Variants in HTR2C observed in about 807,000 individuals in gnomAD.
HTR2C encodes the protein 5-hydroxytryptamine (serotonin) receptor 2C, G protein-coupled.
In HTR2C, 5 loss-of-function variants were observed where a neutral mutation model predicts 21.0. The ratio of observed to expected loss-of-function variants is 0.24; its 90% CI spans 0.12 to 0.50. The LOEUF is 0.50. Ranked by LOEUF, HTR2C falls within the 20% of genes least tolerant of loss-of-function variation. The pLI is 0.98. For synonymous variants in HTR2C, 150 were observed against 145.3 expected (o/e 1.03, Z -0.23); for missense variants, 271 against 371.2 (o/e 0.73, Z 2.22).
At chrX:114,765,283 T>C (rs891059299) in intron 4 of HTR2C, among the ~76,000 whole-genome samples, 2 of 111,095 alleles carry the variant, frequency 1.8e-5, no homozygotes, top group African/African-American at 6.6e-5. Flanking sequence ...CCTGTATGTC[T>C]ATGCCAAGAG....
intron 4 of HTR2C, among the ~76,000 whole-genome samples, chrX:114,790,589 C>T (rs782505363): frequency 1.8e-5 from 2 of 111,536 alleles, no homozygotes; most frequent in Non-Finnish European, 3.8e-5. Context: ...GATAAATAGA[C>T]TTTCATTCTA....
In HTR2C at chrX:114,907,339, T is replaced by C. The variant is rs782612858; in HGVS notation, c.1301T>C (p.Ile434Thr). 4.1e-6 allele frequency: 5 copies of C among 1,209,249 alleles called. No homozygotes were observed. In the Admixed American group the frequency reaches 1.1e-4, roughly 26 times the overall value. ...AAAGCCAGTGACAATGAGCCCGGTA[T>C]AGAGATGCAAGTTGAGAATTTAGAG... ...IEKASDNEPG[I>T]EMQVENLELP... The change falls in exon 6 of 6, where the codon ATA becomes ACA. Residue 434 changes from isoleucine (I) to threonine (T), a missense_variant. By Grantham distance (89) the Ile-to-Thr change is moderately conservative (BLOSUM62 -1). Coordinates refer to ENST00000276198, the MANE Select transcript of HTR2C (RefSeq NM_000868.4).
chrX:114,645,722 G>A (rs1214188423), intron 2 of HTR2C, among the ~76,000 whole-genome samples: 1 of 111,504 alleles, frequency 9.0e-6, no homozygotes, highest in Non-Finnish European at 1.9e-5. Context: ...AAAGATTGTG[G>A]TGATTTATGC....
chrX:114,665,422 T>C (rs782745305), intron 2 of HTR2C, among the ~76,000 whole-genome samples: 6 of 111,978 alleles, frequency 5.4e-5, no homozygotes, highest in Middle Eastern at 4.6e-3. Flanking sequence ...TTAAATACAG[T>C]TGGCCCTTGA....
At chrX:114,702,831 A>T (rs1199957766) in intron 2 of HTR2C, among the ~76,000 whole-genome samples, 1 of 106,885 alleles carries the variant, frequency 9.4e-6, no homozygotes, top group Admixed American at 1.0e-4. Flanking sequence ...ACGTGCAGAG[A>T]CACACATAGG....
intron 1 of HTR2C, among the ~76,000 whole-genome samples, chrX:114,607,212 A>G (rs782402410): frequency 9.0e-4 from 101 of 112,182 alleles, no homozygotes; most frequent in African/African-American, 2.1e-3. Flanking sequence ...CAGGGGATGC[A>G]ATGGCTTGGC....
At chrX:114,806,139 AC>A (rs1556449329) in intron 4 of HTR2C, among the ~76,000 whole-genome samples, 1 of 100,040 alleles carries the variant, frequency 1.0e-5, no homozygotes, top group East Asian at 3.2e-4. Context: ...ATACATATAT[AC>A]ACCCTATATA....
chrX:114,897,736 T>C (rs2071307419), intron 5 of HTR2C, among the ~76,000 whole-genome samples: 1 of 112,515 alleles, frequency 8.9e-6, no homozygotes, highest in African/African-American at 3.2e-5. Flanking sequence ...GGACGTAATC[T>C]CATTCCTTTT....
chrX:114,895,988 C>CAAA, intron 5 of HTR2C, among the ~76,000 whole-genome samples: 1 of 88,110 alleles, frequency 1.1e-5, no homozygotes, highest in Admixed American at 1.3e-4. Flanking sequence ...GACTCTGTCT[C>CAAA]AAAAAAAAAA....
intron 4 of HTR2C, among the ~76,000 whole-genome samples, chrX:114,746,213 T>C (rs2069702254): frequency 9.0e-6 from 1 of 111,414 alleles, no homozygotes; most frequent in Non-Finnish European, 1.9e-5. Context: ...AAAATAAGAA[T>C]TCTATACAAC....
At position 114,620,057 on chromosome X, in the gene HTR2C, A is replaced by G. The variant is rs1929098112; in HGVS notation, c.-80+6176A>G. Among the ~76,000 whole-genome samples, 4 of 111,825 alleles carry G rather than the reference A, an allele frequency of 3.6e-5. No homozygotes were observed. In the Admixed American group the frequency reaches 3.8e-4, roughly 11 times the overall value. On this transcript the variant is annotated intron_variant, in intron 2 of 5. Transcript: ENST00000276198. The stretch of plus-strand genomic sequence containing the variant: ...CTGTGACTGTTCGATTGCAGAGGAT[A>G]TTTTTCTACCTTCCCCCAAGTGGCA...
chrX:114,755,512 G>C (rs1193527676), intron 4 of HTR2C, among the ~76,000 whole-genome samples: 1 of 111,069 alleles, frequency 9.0e-6, no homozygotes, highest in African/African-American at 3.3e-5. Flanking sequence ...CCCCTTCTCT[G>C]AGGATACAAG....
At chrX:114,882,550 G>A (rs1346402673) in intron 5 of HTR2C, among the ~76,000 whole-genome samples, 2 of 110,832 alleles carry the variant, frequency 1.8e-5, no homozygotes, top group Admixed American at 9.6e-5. Context: ...TATCATAAAA[G>A]GGAAGTAGAT....
At chrX:114,623,807 CT>C (rs1929257094) in intron 2 of HTR2C, among the ~76,000 whole-genome samples, 2 of 109,153 alleles carry the variant, frequency 1.8e-5, no homozygotes, top group African/African-American at 6.7e-5. Flanking sequence ...ATATTTTATA[CT>C]GTTTGTGTAT....
At chrX:114,622,366 G>A (rs1451039041) in intron 2 of HTR2C, among the ~76,000 whole-genome samples, 1 of 110,919 alleles carries the variant, frequency 9.0e-6, no homozygotes, top group African/African-American at 3.3e-5. Context: ...AGTGAAGTGA[G>A]ATAATGAAAT....
chrX:114,780,956 A>G (rs998576291), intron 4 of HTR2C, among the ~76,000 whole-genome samples: 5 of 111,518 alleles, frequency 4.5e-5, no homozygotes, highest in East Asian at 2.8e-4. Context: ...GAAAAAAACT[A>G]TAAGATGAAA....
chrX:114,833,714 T>G (rs1333929240), intron 4 of HTR2C, among the ~76,000 whole-genome samples: 6 of 111,331 alleles, frequency 5.4e-5, no homozygotes, highest in East Asian at 2.8e-4. Flanking sequence ...GTTCTGCTCT[T>G]ATTTTAGTTA....
intron 2 of HTR2C, among the ~76,000 whole-genome samples, chrX:114,644,358 AATAAATATATATATATATATAT>A (rs1273226187): frequency 2.4e-4 from 4 of 16,523 alleles, no homozygotes; most frequent in Admixed American, 8.7e-4. Flanking sequence ...TAAATAAATA[AATAAATATATATATATATATAT>A]ATATATATAT....
chrX:114,691,803 A>G (rs1216388840), intron 2 of HTR2C, among the ~76,000 whole-genome samples: 1 of 111,714 alleles, frequency 9.0e-6, no homozygotes, highest in African/African-American at 3.2e-5. Context: ...AAATGTGTTC[A>G]TCCCAGATGG....
Sources: allele counts gnomAD v4.1 joint callset (sites outside exome capture counted in the v4.1 genomes callset), GRCh38; gene constraint gnomAD v4.1.1; transcripts MANE v1.5; gene names NCBI Gene and HGNC (gene_info 2026-07-23, HGNC 2026-07-21).